The following SMC3 variants were observed in gnomAD, a reference collection of about 807,000 sequenced individuals.
SMC3 encodes structural maintenance of chromosomes protein 3.
Under a neutral mutation model 171.8 loss-of-function variants are expected in SMC3, and 20 were observed. That is an observed-to-expected ratio of 0.12 (90% CI 0.08 to 0.17). The LOEUF is 0.17. Ranked by LOEUF, SMC3 falls within the 10% of genes least tolerant of loss-of-function variation. The pLI is 1.00. For synonymous variants in SMC3, 464 were observed against 451.1 expected, an observed-to-expected ratio of 1.03 and a Z score of -0.36; for missense variants, 543 against 1,420.4, an observed-to-expected ratio of 0.38 and a Z score of 9.93.
At chr10:110,602,201 A>C in intron 25 of SMC3, 23 bp downstream of exon 25, 1 of 1,580,728 alleles carries the variant, frequency 6.3e-7, no homozygotes. Context: ...TTGTAGTTAA[A>C]ACATACACAC....
At chr10:110,587,206 A>G (rs1226575772) in intron 13 of SMC3, among the ~76,000 whole-genome samples, 1 of 152,204 alleles carries the variant, frequency 6.6e-6, no homozygotes, top group Non-Finnish European at 1.5e-5. Flanking sequence ...TTTCAGTGCA[A>G]ACTAAATGTT....
intron 20 of SMC3, among the ~76,000 whole-genome samples, chr10:110,599,058 G>T (rs1209200302): frequency 7.1e-6 from 1 of 141,334 alleles, no homozygotes; most frequent in Non-Finnish European, 1.6e-5. Flanking sequence ...AAAAAAAAAA[G>T]ATGTGCCTAC....
At chr10:110,574,533 T>C (rs1164076628) in intron 3 of SMC3, among the ~76,000 whole-genome samples, 1 of 152,230 alleles carries the variant, frequency 6.6e-6, no homozygotes, top group Admixed American at 6.5e-5. Context: ...CTGTATATCC[T>C]ATTGTGGTTG....
In SMC3 at chr10:110,570,703, A is replaced by G. The variant is rs143605231; in HGVS notation, c.91+1690A>G. ...TAGCTAGAATGATTACATTTTGTCTATAAGGTCCATCAAATACCATTGTTT... is the reference window on the plus strand; with the variant it reads ...TAGCTAGAATGATTACATTTTGTCTGTAAGGTCCATCAAATACCATTGTTT... On this transcript the variant is annotated intron_variant, in intron 2 of 28. Coordinates refer to ENST00000361804, the MANE Select transcript of SMC3 (RefSeq NM_005445.4). Among the ~76,000 whole-genome samples the G allele has an allele frequency of 3.8e-3, 586 of 152,338 alleles. 1 individual carries two copies. Among genetic ancestry groups the G allele is most frequent in the Admixed American group, 5.6e-3 (85 of 15,300 alleles).
At position 110,601,876 on chromosome 10, in the gene SMC3, C is replaced by T; in HGVS notation, c.2884C>T (p.Leu962Phe). The T allele has an allele frequency of 6.2e-7, 1 of 1,613,896 alleles. No homozygotes were observed. The highest frequency in any genetic ancestry group is 8.5e-7 in the Non-Finnish European group (1 of 1,179,910). ...EAFEKYQTLS[L>F]KQLFRKLEQC... ...ATTTGAAAAGTACCAGACACTGAGC[C>T]TCAAACAGGTTGGTTTTAAATTTGA... Residue 962 changes from leucine to phenylalanine, a missense_variant, in exon 24 of 29, where the codon CTC (leucine) becomes TTC (phenylalanine). By Grantham distance (22) the Leu-to-Phe change is conservative. Coordinates refer to ENST00000361804, the MANE Select transcript of SMC3 (RefSeq NM_005445.4).
At chr10:110,592,263 C>CAA (rs58488395) in intron 17 of SMC3, among the ~76,000 whole-genome samples, 16,067 of 144,240 alleles carry the variant, frequency 0.11, 981 homozygotes, top group East Asian at 0.25. Flanking sequence ...GACTCCATCT[C>CAA]AAAAAAAAAA....
chr10:110,582,287 T>G (rs1027360117), intron 9 of SMC3, among the ~76,000 whole-genome samples, 189 bp downstream of exon 9: 1 of 152,306 alleles, frequency 6.6e-6, no homozygotes, highest in African/African-American at 2.4e-5. Flanking sequence ...CTATATAGTA[T>G]TATCTGAAAT....
chr10:110,598,091 A>G (rs756483943), intron 19 of SMC3, 48 bp from the exon 20 acceptor site: 2 of 1,546,830 alleles, frequency 1.3e-6, no homozygotes, highest in Non-Finnish European at 1.8e-6. Flanking sequence ...AATTAAGAAC[A>G]TACGATATAT....
intron 9 of SMC3, 109 bp from the exon 10 acceptor site, chr10:110,582,453 T>C: frequency 1.3e-6 from 1 of 789,444 alleles, no homozygotes; most frequent in Non-Finnish European, 2.1e-6. Context: ...TGTAGAAAAT[T>C]TGAGCAGTTA....
intron 4 of SMC3, 114 bp downstream of exon 4, chr10:110,575,517 C>CA: frequency 1.2e-6 from 1 of 803,598 alleles, no homozygotes; most frequent in South Asian, 1.5e-5. Flanking sequence ...GAACAAGACA[C>CA]AATCTTTCTC....
At position 110,600,527 on chromosome 10, in the gene SMC3, G is replaced by A; in HGVS notation, c.2516G>A (p.Arg839His). ...TATCTCAATGAGAATCTGAGAAAAC[G>A]CTTGGACCAAGTAGAACAGGTGTGT... ...ETYLNENLRKRLDQVEQELNE... is the reference protein window; with the variant it reads ...ETYLNENLRKHLDQVEQELNE... The change falls in exon 22 of 29, where the codon CGC (arginine) becomes CAC (histidine). Residue 839 changes from arginine to histidine, a missense_variant. By Grantham distance (29) the Arg-to-His change is conservative. Coordinates refer to ENST00000361804, the MANE Select transcript of SMC3 (RefSeq NM_005445.4). 3 of 1,571,718 alleles carry A rather than the reference G, an allele frequency of 1.9e-6. No individual in the cohort carries two copies. The highest frequency in any genetic ancestry group is 2.6e-6 in the Non-Finnish European group (3 of 1,142,350).
At chr10:110,573,371 T>C (rs1167390638) in intron 2 of SMC3, among the ~76,000 whole-genome samples, 1 of 152,096 alleles carries the variant, frequency 6.6e-6, no homozygotes, top group East Asian at 1.9e-4. Flanking sequence ...GTTAAACATA[T>C]ATAGTTAAAA....
chr10:110,587,935 A>G (rs918162310), intron 13 of SMC3, among the ~76,000 whole-genome samples: 1 of 152,216 alleles, frequency 6.6e-6, no homozygotes, highest in African/African-American at 2.4e-5. Context: ...CTGAGTCCCA[A>G]ATTCCTTATG....
At chr10:110,588,370 A>G (rs1430042579) in intron 13 of SMC3, among the ~76,000 whole-genome samples, 1 of 152,152 alleles carries the variant, frequency 6.6e-6, no homozygotes, top group Non-Finnish European at 1.5e-5. Flanking sequence ...TGTCCATTAA[A>G]ATTTTGGACA....
intron 13 of SMC3, among the ~76,000 whole-genome samples, chr10:110,584,841 T>G (rs1484597451): frequency 1.3e-5 from 2 of 152,260 alleles, no homozygotes; most frequent in East Asian, 3.9e-4. Flanking sequence ...CCTAGGCTGG[T>G]CTCGAAATCT....
chr10:110,602,875 A>T lies in SMC3; in HGVS notation c.3348A>T (p.Ser1116=), dbSNP rs756393822. The T allele has an allele frequency of 6.2e-7, 1 of 1,614,014 alleles. No homozygotes were observed. The highest frequency in any genetic ancestry group is 2.2e-5 in the East Asian group (1 of 44,882). ...QGEMREMQQL[S]GGQKSLVALA... ...AAATGAGAGAAATGCAACAGCTTTC[A>T]GGTGGACAGAAATCCTTGGTAGCCC... The change falls in exon 27 of 29, where the codon TCA becomes TCT. Residue 1116 remains serine, a synonymous_variant. Transcript: ENST00000361804.
chr10:110,568,384 C>T (rs1212173796), intron 1 of SMC3: 3 of 168,892 alleles, frequency 1.8e-5, no homozygotes, highest in Non-Finnish European at 3.8e-5. Flanking sequence ...ATACGGAGCG[C>T]CGCCTCCCTC....
In SMC3 at chr10:110,596,429, T is replaced by G. The variant is rs1433087967; in HGVS notation, c.1995T>G (p.Thr665=). ...GDQVSHRGAL[T]GGYYDTRKSR... is the part of the protein sequence containing the mutation. ...AAGTCAGCCATCGGGGTGCTCTAAC[T>G]GGGGGTTATTATGACACAAGGAAGT... The change falls in exon 19 of 29, where the codon ACT becomes ACG. Residue 665 remains threonine, a synonymous_variant. Transcript: ENST00000361804. The G allele has an allele frequency of 2.5e-6, 4 of 1,613,934 alleles. No homozygotes were observed. The East Asian group carries it at 6.7e-5, about 27-fold the overall frequency.
rs1355112150 is a variant in SMC3, at chr10:110,601,107, A to G, written c.2621A>G (p.Lys874Arg). ...SELEAINKRVKDTMARSEDLD... is the reference protein window; with the variant it reads ...SELEAINKRVRDTMARSEDLD... ...CTTGAAGCCATCAATAAAAGAGTAA[A>G]AGACACTATGGCACGATCAGAAGGT... Residue 874 changes from lysine (K) to arginine (R), a missense_variant, in exon 23 of 29, where the codon AAA becomes AGA. Lys to Arg is a conservative substitution (Grantham distance 26, BLOSUM62 2). Around this residue, in one of 8 missense-constraint regions of SMC3, gnomAD observed 81 missense variants for 184.2 expected, o/e 0.44. Transcript: ENST00000361804. The G allele has an allele frequency of 1.2e-6, 2 of 1,613,464 alleles. No individual in the cohort carries two copies. Among genetic ancestry groups the G allele is most frequent in the Admixed American group, 3.3e-5 (2 of 60,018 alleles).
Sources: allele counts gnomAD v4.1 joint callset (sites outside exome capture counted in the v4.1 genomes callset), GRCh38; gene constraint gnomAD v4.1.1; regional missense constraint gnomAD v4.1.1; transcripts MANE v1.5; gene names NCBI Gene and HGNC (gene_info 2026-07-23, HGNC 2026-07-21).